Variants in NRG3 observed in about 807,000 individuals in gnomAD.
NRG3 encodes the protein pro-neuregulin-3, membrane-bound isoform.
A neutral mutation model predicts 66.9 loss-of-function variants in NRG3; 31 were observed. That is an observed-to-expected ratio of 0.46 (90% CI 0.35 to 0.63). NRG3 has a LOEUF of 0.63. Ranked by LOEUF, NRG3 falls within the 20% of genes least tolerant of loss-of-function variation. NRG3 has a pLI of 0.00. For synonymous variants in NRG3, 393 were observed against 359.4 expected (o/e 1.09, Z -1.06); for missense variants, 910 against 878.9 (o/e 1.04, Z -0.45).
intron 1 of NRG3, among the ~76,000 whole-genome samples, chr10:82,284,788 C>T (rs952950252): frequency 6.6e-6 from 1 of 152,044 alleles, no homozygotes; most frequent in Non-Finnish European, 1.5e-5. Flanking sequence ...GTTTTGTAAG[C>T]GCATCACATG....
chr10:82,156,256 AT>A (rs143331059), intron 1 of NRG3, among the ~76,000 whole-genome samples: 16 of 149,260 alleles, frequency 1.1e-4, no homozygotes, highest in East Asian at 3.9e-4. Context: ...ATTTTCATTT[AT>A]TTTTTTTTTC....
rs183566526 is a variant in NRG3 at position 81,891,673 on chromosome 10, G to T, written c.823+15510G>T. Among the ~76,000 whole-genome samples, 3 of 152,256 alleles carry T rather than the reference G, an allele frequency of 2.0e-5. No individual in the cohort carries two copies. The East Asian group carries it at 5.8e-4, about 29-fold the overall frequency. Reference sequence around the variant, plus strand: ...TGGAAAGTTGGAAATAAGATAATTGGGATAGTGGTTTTTGAAAGGGGGAAA... The same window carrying T: ...TGGAAAGTTGGAAATAAGATAATTGTGATAGTGGTTTTTGAAAGGGGGAAA... On this transcript the variant is annotated intron_variant, in intron 1 of 8. Transcript: ENST00000372141.
At chr10:82,053,155 T>G (rs1048750152) in intron 1 of NRG3, among the ~76,000 whole-genome samples, 2 of 152,118 alleles carry the variant, frequency 1.3e-5, no homozygotes, top group Admixed American at 1.3e-4. Flanking sequence ...AACATTTCAG[T>G]GTTCCAAAAA....
intron 2 of NRG3, among the ~76,000 whole-genome samples, chr10:82,672,911 G>A (rs530749580): frequency 1.7e-4 from 26 of 152,222 alleles, no homozygotes; most frequent in Admixed American, 1.0e-3. Flanking sequence ...CACCACACCC[G>A]GCTAATTTTT....
At chr10:82,224,693 G>A (rs185330767) in intron 1 of NRG3, among the ~76,000 whole-genome samples, 1 of 152,150 alleles carries the variant, frequency 6.6e-6, no homozygotes, top group East Asian at 1.9e-4. Context: ...TACCACACCA[G>A]GAAAATTACT....
rs187382052 is a variant in NRG3, at chr10:82,360,822, A to G, written c.953+1954A>G. Among the ~76,000 whole-genome samples the G allele has an allele frequency of 2.5e-3, 374 of 151,694 alleles. 3 individuals are homozygous for G. Among genetic ancestry groups the G allele is most frequent in the African/African-American group, 8.2e-3 (339 of 41,352 alleles). The stretch of plus-strand genomic sequence containing the variant: ...ATGTACCTTATTATGTTTCCTCTGT[A>G]GGTGTTTGTGTTCAGAGTTGATTCC... On this transcript the variant is annotated intron_variant, in intron 2 of 8. Transcript: ENST00000372141.
intron 3 of NRG3, among the ~76,000 whole-genome samples, chr10:82,843,997 TATC>T (rs2063188493): frequency 1.3e-5 from 2 of 152,282 alleles, no homozygotes; most frequent in Middle Eastern, 3.4e-3. Context: ...ACCTCCAACA[TATC>T]ATTTGTCATA....
intron 2 of NRG3, among the ~76,000 whole-genome samples, chr10:82,701,797 A>G (rs1366992199): frequency 6.6e-6 from 1 of 152,190 alleles, no homozygotes; most frequent in Non-Finnish European, 1.5e-5. Flanking sequence ...TGCAGATATT[A>G]ACTTTGAGCT....
chr10:82,310,473 T>G (rs549274147), intron 1 of NRG3, among the ~76,000 whole-genome samples: 1 of 152,310 alleles, frequency 6.6e-6, no homozygotes, highest in Non-Finnish European at 1.5e-5. Context: ...ATGAAAGTAG[T>G]CTGGAGATTT....
At chr10:82,550,772 G>A (rs2044253764) in intron 2 of NRG3, among the ~76,000 whole-genome samples, 1 of 152,086 alleles carries the variant, frequency 6.6e-6, no homozygotes, top group South Asian at 2.1e-4. Context: ...AGAAATTGAA[G>A]GAGTATATCT....
At chr10:82,044,608 G>C (rs2063188058) in intron 1 of NRG3, among the ~76,000 whole-genome samples, 1 of 151,658 alleles carries the variant, frequency 6.6e-6, no homozygotes, top group Middle Eastern at 3.4e-3. Flanking sequence ...TAAGTTTTAG[G>C]GTACATGTGC....
rs756609175 is a variant in NRG3, at chr10:82,951,450, T to A, written c.1055-19T>A. 2 of 1,591,236 alleles carry A rather than the reference T, an allele frequency of 1.3e-6. No homozygotes were observed. The highest frequency in any genetic ancestry group is 3.3e-5 in the Admixed American group (2 of 59,966). On this transcript the variant is annotated intron_variant, in intron 4 of 8. Coordinates refer to ENST00000372141, the MANE Select transcript of NRG3 (RefSeq NM_001010848.4). ...CACCCCGCTAGCATCCATTCTAATTTTGTTTTTCAAATTCACAGAGAGTGA... is the reference window on the plus strand; with the variant it reads ...CACCCCGCTAGCATCCATTCTAATTATGTTTTTCAAATTCACAGAGAGTGA...
rs575820514 is a variant in NRG3 at position 82,152,063 on chromosome 10, G to T, written c.824-206676G>T. 3.3e-5 allele frequency among the ~76,000 whole-genome samples: 5 copies of T among 152,236 alleles called. No homozygotes were observed. The East Asian group carries it at 9.7e-4, about 29-fold the overall frequency. On this transcript the variant is annotated intron_variant, in intron 1 of 8. Transcript: ENST00000372141. ...TGTTGGCAAACTTTTTCTGTAAAAG[G>T]CAAGAAACTAAATATTTTAGGCTTT...
chr10:81,920,474 T>G (rs1296159401), intron 1 of NRG3, among the ~76,000 whole-genome samples: 2 of 152,098 alleles, frequency 1.3e-5, no homozygotes, highest in Non-Finnish European at 2.9e-5. Flanking sequence ...CCACTCAGGT[T>G]TAATAAGCAT....
chr10:81,944,182 A>G (rs1166302842), intron 1 of NRG3, among the ~76,000 whole-genome samples: 1 of 152,264 alleles, frequency 6.6e-6, no homozygotes, highest in Non-Finnish European at 1.5e-5. Context: ...GTAAGCAGAC[A>G]AAAAGAAATC....
chr10:82,273,449 A>G (rs553583366), intron 1 of NRG3, among the ~76,000 whole-genome samples: 1 of 152,202 alleles, frequency 6.6e-6, no homozygotes, highest in East Asian at 1.9e-4. Context: ...TTATTTTTAT[A>G]TGATTCAAGA....
At chr10:82,983,283 G>C (rs2132687733) in intron 8 of NRG3, among the ~76,000 whole-genome samples, 1 of 152,260 alleles carries the variant, frequency 6.6e-6, no homozygotes, top group African/African-American at 2.4e-5. Flanking sequence ...ACAAAAGCCT[G>C]AAATTTTTTC....
At chr10:82,033,856 C>G (rs2062677936) in intron 1 of NRG3, among the ~76,000 whole-genome samples, 4 of 152,096 alleles carry the variant, frequency 2.6e-5, no homozygotes, top group Admixed American at 2.6e-4. Flanking sequence ...TACCTTGAAA[C>G]TAATTTATAT....
intron 2 of NRG3, among the ~76,000 whole-genome samples, chr10:82,539,318 G>A (rs1436085470): frequency 1.3e-5 from 2 of 152,138 alleles, no homozygotes; most frequent in Non-Finnish European, 2.9e-5. Context: ...ACATAGCACC[G>A]TGGCTTTACC....
Sources: gnomAD v4.1 joint callset for allele counts (sites outside exome capture counted in the v4.1 genomes callset) on GRCh38, gnomAD v4.1.1 for gene constraint, MANE v1.5 for transcripts, NCBI Gene and HGNC (gene_info 2026-07-23, HGNC 2026-07-21) for gene names.